The following ACTR3C variants were observed in gnomAD, a reference collection of about 807,000 sequenced individuals.
The protein encoded by ACTR3C is actin-related protein 3C.
Under a neutral mutation model 26.3 loss-of-function variants are expected in ACTR3C, and 18 were observed. The observed-to-expected ratio is 0.68, with a 90% CI of 0.47 to 1.01. The LOEUF (loss-of-function observed/expected upper bound fraction) is 1.01. Among genes scored for constraint, ACTR3C ranks in the 50% least tolerant of loss-of-function variants. ACTR3C has a pLI of 0.00. For synonymous variants in ACTR3C, 55 were observed against 94.5 expected, an observed-to-expected ratio of 0.58 and a Z score of 2.42; for missense variants, 184 against 250.7, an observed-to-expected ratio of 0.73 and a Z score of 1.80.
the ACTR3C span, among the ~76,000 whole-genome samples, chr7:150,038,621 G>C: frequency 1.4e-5 from 2 of 145,114 alleles, no homozygotes; most frequent in Non-Finnish European, 3.0e-5. Flanking sequence ...TTCTGTTCCC[G>C]AGCTGCGTTC....
the ACTR3C span, among the ~76,000 whole-genome samples, chr7:149,997,032 TC>T: frequency 6.9e-6 from 1 of 144,902 alleles, no homozygotes; most frequent in East Asian, 2.0e-4. Context: ...CTTCACACCC[TC>T]CAGCAGCCAC....
At chr7:150,119,601 A>G in the ACTR3C span, among the ~76,000 whole-genome samples, 6 of 152,212 alleles carry the variant, frequency 3.9e-5, no homozygotes, top group Non-Finnish European at 7.3e-5. Context: ...TTAGAGAACT[A>G]CAAAGAGACT....
the ACTR3C span, among the ~76,000 whole-genome samples, chr7:149,967,992 T>C: frequency 6.6e-6 from 1 of 152,218 alleles, no homozygotes; most frequent in Non-Finnish European, 1.5e-5. Context: ...CATTCCCTTT[T>C]CTGCCCAGGA....
chr7:149,942,364 A>G, the ACTR3C span, among the ~76,000 whole-genome samples: 1 of 151,926 alleles, frequency 6.6e-6, no homozygotes, highest in Non-Finnish European at 1.5e-5. Context: ...ATGTGGTAAT[A>G]CTGTGAACAG....
intron 1 of ACTR3C, among the ~76,000 whole-genome samples, chr7:150,316,207 A>C (rs900354165): frequency 2.0e-5 from 3 of 152,220 alleles, no homozygotes; most frequent in Admixed American, 6.5e-5. Context: ...CAAAAAACAA[A>C]CAAACAACAA....
the ACTR3C span, among the ~76,000 whole-genome samples, chr7:150,099,993 G>A: frequency 6.6e-6 from 1 of 151,728 alleles, no homozygotes; most frequent in Non-Finnish European, 1.5e-5. Context: ...GCTATTGTCA[G>A]TATTCCTTCT....
At chr7:149,907,478 T>TTCTCTCTCTCTCTCTCTCTCTCTCTCTC in the ACTR3C span, among the ~76,000 whole-genome samples, 1 of 97,606 alleles carries the variant, frequency 1.0e-5, no homozygotes, top group African/African-American at 3.6e-5. Context: ...CTCTCTTCTC[T>TTCTCTCTCTCTCTCTCTCTCTCTCTCTC]TCTCTCTCTC....
At chr7:150,196,011 C>A in the ACTR3C span, among the ~76,000 whole-genome samples, 6 of 152,156 alleles carry the variant, frequency 3.9e-5, no homozygotes, top group South Asian at 2.1e-4. Flanking sequence ...GCCTTTGGGA[C>A]CTTCTCCTAT....
At chr7:150,259,438 C>T (rs962771214) in intron 6 of ACTR3C, among the ~76,000 whole-genome samples, 2 of 152,084 alleles carry the variant, frequency 1.3e-5, no homozygotes, top group Admixed American at 1.3e-4. Flanking sequence ...TAATTTTTGC[C>T]TATCAAAGTA....
downstream of ACTR3C, among the ~76,000 whole-genome samples, chr7:150,241,367 G>A (rs376856613): frequency 1.2e-4 from 19 of 152,174 alleles, no homozygotes; most frequent in East Asian, 1.9e-3. Context: ...GAGATTTGTC[G>A]TCATCAATTG....
the ACTR3C span, chr7:150,041,247 C>T: frequency 6.7e-6 from 1 of 149,936 alleles, no homozygotes; most frequent in East Asian, 2.0e-4. Flanking sequence ...GCTAATACTG[C>T]AAAGTTTGGG....
At chr7:150,299,985 CA>C (rs34878742) in intron 1 of ACTR3C, among the ~76,000 whole-genome samples, 94 of 144,822 alleles carry the variant, frequency 6.5e-4, no homozygotes, top group South Asian at 2.0e-3. Flanking sequence ...CAATTTAAAC[CA>C]AAAAAAAAAG....
the ACTR3C span, among the ~76,000 whole-genome samples, chr7:150,147,430 A>G: frequency 6.6e-6 from 1 of 152,156 alleles, no homozygotes; most frequent in African/African-American, 2.4e-5. Flanking sequence ...ATCAAACTAC[A>G]TTTATTTCAG....
chr7:150,028,651 G>C, the ACTR3C span, among the ~76,000 whole-genome samples: 2 of 152,244 alleles, frequency 1.3e-5, no homozygotes, highest in Admixed American at 6.5e-5. Context: ...AGCAGCTGCT[G>C]TCTGGGAAGA....
At chr7:150,169,121 C>T in the ACTR3C span, among the ~76,000 whole-genome samples, 10 of 150,278 alleles carry the variant, frequency 6.7e-5, no homozygotes, top group Non-Finnish European at 1.3e-4. Flanking sequence ...GTGGCTCACA[C>T]CTGTAATCCC....
At chr7:150,171,243 A>C in the ACTR3C span, among the ~76,000 whole-genome samples, 3 of 147,828 alleles carry the variant, frequency 2.0e-5, no homozygotes, top group Admixed American at 6.6e-5. Flanking sequence ...CAATAAATTT[A>C]AAAGGGTTAA....
In ACTR3C at chr7:150,274,901, G is replaced by A. The variant is rs989832046; in HGVS notation, c.564+9852C>T. Among the ~76,000 whole-genome samples the A allele has an allele frequency of 3.9e-5, 6 of 152,212 alleles. No individual in the cohort carries two copies. The highest frequency in any genetic ancestry group is 1.9e-4 in the East Asian group (1 of 5,202). ...GAAATCAGCAGATCTCCTGGATGAC[G>A]TTCTGGCGGTCAGCAGTCTTCTGGA... is the stretch of plus-strand genomic sequence containing the variant. On this transcript the variant is annotated intron_variant, in intron 6 of 7. Coordinates refer to ENST00000683684, the MANE Select transcript of ACTR3C (RefSeq NM_001164458.2). This position sits in a 1 kb window ranked among gnomAD's most constrained non-coding sequence, Gnocchi z 4.1.
the ACTR3C span, among the ~76,000 whole-genome samples, chr7:150,170,478 G>A: frequency 6.6e-6 from 1 of 150,418 alleles, no homozygotes; most frequent in Admixed American, 6.6e-5. Flanking sequence ...AACTTAGGAA[G>A]CTGACCAGAG....
At chr7:150,180,133 A>G in the ACTR3C span, among the ~76,000 whole-genome samples, 9,261 of 106,006 alleles carry the variant, frequency 0.087, 2 homozygotes, top group Middle Eastern at 0.17. Flanking sequence ...GTGAAACCCC[A>G]TCTCTACTAA....
Sources: gnomAD v4.1 joint callset for allele counts (sites outside exome capture counted in the v4.1 genomes callset) on GRCh38, gnomAD v4.1.1 for gene constraint, Gnocchi (gnomAD v3.1) non-coding constraint, MANE v1.5 for transcripts, NCBI Gene and HGNC (gene_info 2026-07-23, HGNC 2026-07-21) for gene names.